CCDC25: variants seen among roughly 807,000 people sequenced by gnomAD.
CCDC25 encodes coiled-coil domain containing 25, also known as coiled-coil domain-containing protein 25.
CCDC25 carries 16 observed loss-of-function variants against 35.3 expected under a neutral mutation model. The observed-to-expected ratio is 0.45, with a 90% confidence interval of 0.31 to 0.69. The LOEUF is 0.69. Among genes scored for constraint, CCDC25 ranks in the 30% least tolerant of loss-of-function variants. The probability of loss-of-function intolerance (pLI) is 0.06; values close to 1 mark genes in which losing one functional copy is unlikely to be tolerated. For synonymous variants in CCDC25, 79 were observed against 80.3 expected (o/e 0.98, Z 0.09); for missense variants, 179 against 250.7 (o/e 0.71, Z 1.93).
chr8:27,756,832 T>C (rs1433434633), intron 3 of CCDC25, 62 bp from the exon 4 acceptor site: 6 of 1,156,596 alleles, frequency 5.2e-6, no homozygotes, highest in Non-Finnish European at 1.3e-6. Context: ...TCAGGCCACA[T>C]GCCATTTAAA....
At chr8:27,736,359 A>G (rs1368601386) in intron 8 of CCDC25, 114 bp from the exon 9 acceptor site, 1 of 805,964 alleles carries the variant, frequency 1.2e-6, no homozygotes, top group Non-Finnish European at 2.0e-6. Context: ...TGAGTTCAGA[A>G]AGTAAAATAA....
intron 8 of CCDC25, among the ~76,000 whole-genome samples, chr8:27,740,123 G>A (rs1453242544): frequency 1.4e-5 from 2 of 142,442 alleles, no homozygotes; most frequent in Non-Finnish European, 3.2e-5. Flanking sequence ...TACAGTCACA[G>A]TGATAAAGAA....
intron 7 of CCDC25, among the ~76,000 whole-genome samples, chr8:27,742,446 C>T (rs1365258552): frequency 6.6e-6 from 1 of 152,218 alleles, no homozygotes; most frequent in African/African-American, 2.4e-5. Context: ...GAATGTCAGT[C>T]CTGACTGCAT....
At chr8:27,770,153 A>AAAAAC (rs757195536) in intron 1 of CCDC25, among the ~76,000 whole-genome samples, 1 of 152,120 alleles carries the variant, frequency 6.6e-6, no homozygotes, top group East Asian at 1.9e-4. Flanking sequence ...CAAAAAAACA[A>AAAAAC]AAAACAAAAC....
intron 3 of CCDC25, among the ~76,000 whole-genome samples, chr8:27,760,290 C>G: frequency 6.6e-6 from 1 of 152,192 alleles, no homozygotes; most frequent in Non-Finnish European, 1.5e-5. Context: ...CTGTGGTACA[C>G]TGATTTTCAG....
At chr8:27,752,738 AC>A (rs1803857604) in intron 4 of CCDC25, 151 bp from the exon 5 acceptor site, 1 of 495,800 alleles carries the variant, frequency 2.0e-6, no homozygotes, top group African/African-American at 2.0e-5. Flanking sequence ...AAGTAAATTT[AC>A]TGTGTGCATT....
chr8:27,769,167 A>G (rs1482073795), intron 1 of CCDC25, among the ~76,000 whole-genome samples: 2 of 152,206 alleles, frequency 1.3e-5, no homozygotes, highest in African/African-American at 4.8e-5. Context: ...TCTCATTACT[A>G]TTTTACTGAG....
intron 1 of CCDC25, among the ~76,000 whole-genome samples, chr8:27,771,171 A>T (rs182317533): frequency 2.0e-5 from 3 of 152,208 alleles, no homozygotes. Context: ...AAATACACAA[A>T]CACCATTGCG....
chr8:27,748,440 G>C, intron 6 of CCDC25, 55 bp downstream of exon 6: 1 of 1,375,938 alleles, frequency 7.3e-7, no homozygotes, highest in Non-Finnish European at 1.0e-6. Context: ...AGAAAAGATA[G>C]GATACTCCAT....
intron 3 of CCDC25, 99 bp downstream of exon 3, chr8:27,762,320 T>C: frequency 4.8e-6 from 5 of 1,042,538 alleles, no homozygotes; most frequent in African/African-American, 1.6e-5. Flanking sequence ...TGAAGACCCA[T>C]AAACCACAGT....
At chr8:27,739,139 C>A (rs1803353154) in intron 8 of CCDC25, among the ~76,000 whole-genome samples, 1 of 151,972 alleles carries the variant, frequency 6.6e-6, no homozygotes, top group Non-Finnish European at 1.5e-5. Context: ...ATGTTTAATC[C>A]CCCCCACCTC....
At position 27,734,553 on chromosome 8, in the gene CCDC25, A is replaced by G. The variant is rs1409334657; in HGVS notation, c.*1663T>C. 4 of 152,012 alleles carry G rather than the reference A, an allele frequency of 2.6e-5. No homozygotes were observed. The highest frequency in any genetic ancestry group is 5.9e-5 in the Non-Finnish European group (4 of 68,012). 9.4% of individuals were successfully genotyped at this position (152,012 alleles called of 1,614,324 possible). ...ACAGAGATGGGGAAAAAAATAAAAC[A>G]AAGAGGCTGCAGGGTTAGGGGCATA... On this transcript the variant is annotated 3_prime_UTR_variant, in exon 9 of 9. Transcript: ENST00000356537.
chr8:27,770,176 C>A (rs576835835), intron 1 of CCDC25, among the ~76,000 whole-genome samples: 8 of 152,158 alleles, frequency 5.3e-5, no homozygotes, highest in Admixed American at 3.9e-4. Context: ...AACAAAAACT[C>A]ACCTTTTGTA....
intron 7 of CCDC25, among the ~76,000 whole-genome samples, chr8:27,745,154 G>A (rs1452401895): frequency 6.6e-6 from 1 of 151,892 alleles, no homozygotes; most frequent in African/African-American, 2.4e-5. Flanking sequence ...TACCACCCAC[G>A]CCTGGCTAGT....
intron 7 of CCDC25, among the ~76,000 whole-genome samples, chr8:27,741,240 T>C (rs898082687): frequency 2.4e-4 from 36 of 152,160 alleles, no homozygotes; most frequent in Non-Finnish European, 4.9e-4. Flanking sequence ...TAAATATCCA[T>C]GTGCATAAGA....
At chr8:27,746,483 T>C (rs1803605736) in intron 7 of CCDC25, among the ~76,000 whole-genome samples, 1 of 152,202 alleles carries the variant, frequency 6.6e-6, no homozygotes, top group African/African-American at 2.4e-5. Context: ...TCCTAATATA[T>C]GTTCCATCAT....
chr8:27,736,147 T>C lies in CCDC25; in HGVS notation c.*69A>G, dbSNP rs1803215923. 6.7e-7 allele frequency: 1 copy of C among 1,491,758 alleles called. No homozygotes were observed. The highest frequency in any genetic ancestry group is 2.0e-5 in the Admixed American group (1 of 50,532). 92.4% of individuals were successfully genotyped at this position (1,491,758 alleles called of 1,614,324 possible). On this transcript the variant is annotated 3_prime_UTR_variant, in exon 9 of 9. Transcript: ENST00000356537. ...TGTATTTTATATTTCAGAACACAGA[T>C]GAAACCAAAAGGTCTGCAATTGTCT...
intron 7 of CCDC25, among the ~76,000 whole-genome samples, chr8:27,744,349 C>T (rs546362364): frequency 4.7e-4 from 72 of 152,318 alleles, no homozygotes; most frequent in African/African-American, 1.7e-3. Flanking sequence ...ACAAAGCACT[C>T]TGTCACCTCT....
At chr8:27,754,788 T>C (rs964502789) in intron 4 of CCDC25, 5 of 152,276 alleles carry the variant, frequency 3.3e-5, no homozygotes, top group African/African-American at 9.7e-5. Context: ...AATGTTTTGA[T>C]TGGAAATGGT....
Sources: gnomAD v4.1 joint callset for allele counts (sites outside exome capture counted in the v4.1 genomes callset) on GRCh38, gnomAD v4.1.1 for gene constraint, MANE v1.5 for transcripts, NCBI Gene and HGNC (gene_info 2026-07-23, HGNC 2026-07-21) for gene names.